SDR42E2: variants seen among roughly 807,000 people sequenced by gnomAD.
The protein encoded by SDR42E2 is putative short-chain dehydrogenase/reductase family 42E member 2.
SDR42E2 carries 20 observed loss-of-function variants against 10.5 expected under a neutral mutation model. The ratio of observed to expected loss-of-function variants is 1.90; its 90% confidence interval spans 1.34 to 2.77. SDR42E2 has a LOEUF of 2.77. Among genes scored for constraint, SDR42E2 ranks in the 30% most tolerant of loss-of-function variants. The pLI is 0.00. For missense variants in SDR42E2, 162 were observed against 104.2 expected, an observed-to-expected ratio of 1.55 and a Z score of -2.42; for synonymous variants, 72 against 39.2, an observed-to-expected ratio of 1.84 and a Z score of -3.12.
At position 22,181,655 on chromosome 16, in the gene SDR42E2, C is replaced by T. The variant is rs760894302; in HGVS notation, c.809C>T (p.Ala270Val). 26 of 702,562 alleles carry T rather than the reference C, an allele frequency of 3.7e-5. No homozygotes were observed. In the African/African-American group the frequency reaches 3.8e-4, roughly 10 times the overall value. 43.5% of individuals were successfully genotyped at this position (702,562 alleles called of 1,614,324 possible). Residue 270 changes from alanine to valine, a missense_variant and splice_region_variant, in exon 9 of 13, where the codon GCT (alanine) becomes GTT (valine). By Grantham distance (64) the Ala-to-Val change is moderately conservative. Coordinates refer to ENST00000602312, the MANE Select transcript of SDR42E2 (RefSeq NM_001394319.2). The part of the protein sequence containing the change: ...EALTTAKGYV[A>V]SGQAYYINDG... The stretch of plus-strand genomic sequence containing the variant: ...CTCACCACGGCCAAGGGCTACGTGG[C>T]TGTGAGTCCCCTCTGATGCCCCCAA...
intron 10 of SDR42E2, among the ~76,000 whole-genome samples, chr16:22,182,820 C>T (rs912582778): frequency 7.2e-5 from 11 of 152,136 alleles, no homozygotes; most frequent in African/African-American, 2.6e-4. Flanking sequence ...GGCAACAAAG[C>T]GAGGACCCCT....
In SDR42E2 at chr16:22,188,496, GAC is replaced by G. The variant is rs1406491374; in HGVS notation, c.1015-1637_1015-1636del. ...TCTCCATTTAGAGAGGAGGAAATGA[GAC>G]ACACAGTGAAATAACCTGCCCGTGA... On this transcript the variant is annotated intron_variant, in intron 12 of 12. Coordinates refer to ENST00000602312, the MANE Select transcript of SDR42E2 (RefSeq NM_001394319.2). Among the ~76,000 whole-genome samples, 3 of 152,176 alleles carry G rather than the reference GAC, an allele frequency of 2.0e-5. 1 individual carries two copies. Among genetic ancestry groups the G allele is most frequent in the African/African-American group, 4.8e-5 (2 of 41,422 alleles).
Position 22,165,645 on chromosome 16 carries a change from G to A in SDR42E2, c.55+8G>A. 1 of 401,676 alleles carries A rather than the reference G, an allele frequency of 2.5e-6. No individual in the cohort carries two copies. The highest frequency in any genetic ancestry group is 4.4e-6 in the Non-Finnish European group (1 of 226,610). The allele number at this position is 401,676 out of a possible 1,614,324, so 24.9% of individuals were successfully genotyped here. A position where few individuals can be genotyped will look rare whatever the true frequency, so the allele number is the denominator to read the frequency against. ...GCAAAGCTGCAGGCCAGGGTGAGAA[G>A]AGCTGCCCTGTCTGCCAGGCCTGTG... On this transcript the variant is annotated splice_region_variant and intron_variant, in intron 2 of 12. Coordinates refer to ENST00000602312, the MANE Select transcript of SDR42E2 (RefSeq NM_001394319.2).
At chr16:22,186,153 T>G (rs1293665407) in intron 11 of SDR42E2, among the ~76,000 whole-genome samples, 2 of 152,112 alleles carry the variant, frequency 1.3e-5, no homozygotes, top group African/African-American at 4.8e-5. Flanking sequence ...GAGAGAGAGA[T>G]TATTATATGG....
intron 2 of SDR42E2, among the ~76,000 whole-genome samples, 185 bp downstream of exon 2, chr16:22,165,822 G>A (rs1391161513): frequency 6.6e-6 from 1 of 152,224 alleles, no homozygotes; most frequent in Non-Finnish European, 1.5e-5. Context: ...CTATTTCAGG[G>A]ACTGGACCAG....
intron 8 of SDR42E2, 116 bp downstream of exon 8, chr16:22,178,328 A>G: frequency 1.6e-6 from 1 of 612,082 alleles, no homozygotes; most frequent in South Asian, 1.9e-5. Context: ...AAGTGTCCTG[A>G]GCCTGGAACC....
intron 1 of SDR42E2, among the ~76,000 whole-genome samples, chr16:22,164,673 C>T (rs996210112): frequency 2.6e-5 from 4 of 152,180 alleles, no homozygotes; most frequent in Admixed American, 1.3e-4. Context: ...ACACTACTGT[C>T]GGACCTTGGA....
At chr16:22,186,326 C>T (rs138607897) in intron 11 of SDR42E2, among the ~76,000 whole-genome samples, 283 of 152,208 alleles carry the variant, frequency 1.9e-3, no homozygotes, top group Middle Eastern at 6.8e-3. Flanking sequence ...CCTGCCTCAG[C>T]CTCCCCAGTA....
At chr16:22,184,973 G>C (rs1158192359) in intron 11 of SDR42E2, among the ~76,000 whole-genome samples, 1 of 152,098 alleles carries the variant, frequency 6.6e-6, no homozygotes, top group South Asian at 2.1e-4. Context: ...TGCCAGTCAG[G>C]AGGAGAGAGA....
At chr16:22,175,286 T>G (rs755810037) in intron 7 of SDR42E2, among the ~76,000 whole-genome samples, 1 of 151,574 alleles carries the variant, frequency 6.6e-6, no homozygotes, top group Non-Finnish European at 1.5e-5. Context: ...ATGGCAAAAC[T>G]CCATCTCTAC....
At chr16:22,189,684 C>T (rs543272234) in intron 12 of SDR42E2, among the ~76,000 whole-genome samples, 32 of 152,184 alleles carry the variant, frequency 2.1e-4, no homozygotes, top group Non-Finnish European at 4.0e-4. Context: ...GCGACTGGGG[C>T]CCTCCTGGTC....
intron 8 of SDR42E2, among the ~76,000 whole-genome samples, 165 bp from the exon 9 acceptor site, chr16:22,181,354 T>C (rs1044302312): frequency 6.6e-6 from 1 of 152,000 alleles, no homozygotes; most frequent in Non-Finnish European, 1.5e-5. Context: ...GAGTTTGAGT[T>C]TTCTGTTAGA....
chr16:22,181,775 G>A (rs2046697775), intron 9 of SDR42E2, 119 bp downstream of exon 9: 1 of 624,130 alleles, frequency 1.6e-6, no homozygotes, highest in Non-Finnish European at 2.9e-6. Context: ...AAGGCTGGTG[G>A]GACTCTCAGC....
intron 11 of SDR42E2, among the ~76,000 whole-genome samples, chr16:22,185,979 A>G (rs2046733863): frequency 6.6e-6 from 1 of 152,010 alleles, no homozygotes; most frequent in Non-Finnish European, 1.5e-5. Context: ...CCTGGCTCCA[A>G]GAGATCCTCC....
At chr16:22,189,124 G>A (rs548228358) in intron 12 of SDR42E2, among the ~76,000 whole-genome samples, 2 of 152,228 alleles carry the variant, frequency 1.3e-5, no homozygotes, top group South Asian at 4.1e-4. Context: ...GCTCCCCAAA[G>A]CCCTGCACTT....
At chr16:22,164,063 G>T (rs1234139353) in intron 1 of SDR42E2, among the ~76,000 whole-genome samples, 4 of 148,504 alleles carry the variant, frequency 2.7e-5, no homozygotes, top group Admixed American at 1.3e-4. Flanking sequence ...GGAGAGGGAG[G>T]TCGGGAGGGG....
intron 7 of SDR42E2, among the ~76,000 whole-genome samples, chr16:22,173,590 C>T (rs2046618057): frequency 6.6e-6 from 1 of 152,042 alleles, no homozygotes; most frequent in African/African-American, 2.4e-5. Context: ...ATGGATTCTC[C>T]TCCCACAGGT....
chr16:22,163,774 A>G (rs2046514166), intron 1 of SDR42E2, among the ~76,000 whole-genome samples: 1 of 152,062 alleles, frequency 6.6e-6, no homozygotes, highest in Non-Finnish European at 1.5e-5. Flanking sequence ...TCACCCAGAC[A>G]TTTGGTGAGC....
intron 12 of SDR42E2, among the ~76,000 whole-genome samples, 178 bp downstream of exon 12, chr16:22,186,972 C>T (rs1317930371): frequency 1.3e-5 from 2 of 151,298 alleles, no homozygotes; most frequent in Non-Finnish European, 2.9e-5. Context: ...CTGTTATGAT[C>T]ACCCCAACCT....
Sources: gnomAD v4.1 joint callset for allele counts (sites outside exome capture counted in the v4.1 genomes callset) on GRCh38, gnomAD v4.1.1 for gene constraint, MANE v1.5 for transcripts, NCBI Gene and HGNC (gene_info 2026-07-23, HGNC 2026-07-21) for gene names.